DNAH7: variants seen among roughly 807,000 people sequenced by gnomAD.
DNAH7 encodes the protein axonemal beta dynein heavy chain 7.
Under a neutral mutation model 444.6 loss-of-function variants are expected in DNAH7, and 397 were observed. The observed-to-expected ratio is 0.89, with a 90% CI of 0.82 to 0.97. DNAH7 has a LOEUF of 0.97. DNAH7 is among the 50% of genes least tolerant of loss of function. The pLI is 0.00. For synonymous variants in DNAH7, 1,636 were observed against 1,624.4 expected, an observed-to-expected ratio of 1.01 and a Z score of -0.17; for missense variants, 4,902 against 4,800.8, an observed-to-expected ratio of 1.02 and a Z score of -0.62.
chr2:196,024,863 G>A (rs1021419991), intron 7 of DNAH7, among the ~76,000 whole-genome samples: 1 of 151,498 alleles, frequency 6.6e-6, no homozygotes, highest in Non-Finnish European at 1.5e-5. Flanking sequence ...CTATTTCACC[G>A]AGAAAAGGTA....
At chr2:195,788,371 C>A (rs865936579) in intron 57 of DNAH7, among the ~76,000 whole-genome samples, 21 of 152,282 alleles carry the variant, frequency 1.4e-4, no homozygotes, top group Middle Eastern at 3.4e-3. Flanking sequence ...GAAGTGGAAA[C>A]CTAGATTTTG....
At position 195,749,264 on chromosome 2, in the gene DNAH7, A is replaced by C. The variant is rs1365303309; in HGVS notation, c.11764+5073T>G. Among the ~76,000 whole-genome samples the C allele has an allele frequency of 3.3e-5, 5 of 152,176 alleles. No individual in the cohort carries two copies. In the South Asian group the frequency reaches 6.2e-4, roughly 19 times the overall value. On this transcript the variant is annotated intron_variant, in intron 63 of 64. Transcript: ENST00000312428. ...CATCACTGGCCGTCAGAGAAATGCA[A>C]ATCAAAACCACAATGAGATACCATC...
intron 1 of DNAH7, among the ~76,000 whole-genome samples, chr2:196,066,366 C>A (rs1419276722): frequency 6.6e-6 from 1 of 152,134 alleles, no homozygotes; most frequent in South Asian, 2.1e-4. Context: ...CCTTTTTAAG[C>A]AATGACATTT....
chr2:195,752,327 T>G (rs944791340), intron 63 of DNAH7, among the ~76,000 whole-genome samples: 1 of 151,190 alleles, frequency 6.6e-6, no homozygotes, highest in African/African-American at 2.4e-5. Context: ...CAACAGCCCT[T>G]GATATGAACA....
chr2:195,923,092 G>A (rs890340584), intron 23 of DNAH7, among the ~76,000 whole-genome samples: 1 of 152,114 alleles, frequency 6.6e-6, no homozygotes, highest in African/African-American at 2.4e-5. Flanking sequence ...TTGAACTCCT[G>A]ACCTCAAGTG....
intron 21 of DNAH7, among the ~76,000 whole-genome samples, chr2:195,930,152 G>GTA (rs1688595980): frequency 6.6e-6 from 1 of 152,096 alleles, no homozygotes; most frequent in Non-Finnish European, 1.5e-5. Context: ...AGACCATCCT[G>GTA]GTCAACACGA....
At chr2:195,990,811 G>GTGTGTA (rs1553600568) in intron 12 of DNAH7, among the ~76,000 whole-genome samples, 4 of 80,066 alleles carry the variant, frequency 5.0e-5, no homozygotes, top group African/African-American at 1.5e-4. Context: ...GTGTGTGTGT[G>GTGTGTA]TATATATATA....
At chr2:195,817,861 C>T (rs1697296123) in intron 49 of DNAH7, 32 bp from the exon 50 acceptor site, 1 of 1,486,686 alleles carries the variant, frequency 6.7e-7, no homozygotes, top group Non-Finnish European at 9.0e-7. Context: ...AAAATTACAT[C>T]ATTATTTCTG....
chr2:195,960,968 T>C (rs1691057218), intron 17 of DNAH7, 23 bp from the exon 18 acceptor site: 2 of 1,474,318 alleles, frequency 1.4e-6, no homozygotes, highest in Non-Finnish European at 1.8e-6. Flanking sequence ...GTATTGAATA[T>C]ATTAGTTATT....
At chr2:195,757,992 G>T (rs1694166418) in intron 61 of DNAH7, among the ~76,000 whole-genome samples, 1 of 151,922 alleles carries the variant, frequency 6.6e-6, no homozygotes, top group African/African-American at 2.4e-5. Flanking sequence ...TTACCATACT[G>T]AAATCAGGGG....
intron 17 of DNAH7, among the ~76,000 whole-genome samples, chr2:195,963,688 T>G (rs1470933334): frequency 2.0e-5 from 3 of 152,226 alleles, no homozygotes; most frequent in Non-Finnish European, 4.4e-5. Flanking sequence ...TTTTGCCCAG[T>G]CCAAATTCCT....
intron 48 of DNAH7, among the ~76,000 whole-genome samples, chr2:195,826,405 C>T (rs962119258): frequency 2.0e-5 from 3 of 152,104 alleles, no homozygotes; most frequent in Admixed American, 1.3e-4. Context: ...TGAAATAGGA[C>T]AGGCAATCAA....
chr2:195,770,204 A>G (rs766260901), intron 61 of DNAH7, among the ~76,000 whole-genome samples: 4 of 152,150 alleles, frequency 2.6e-5, no homozygotes, highest in Non-Finnish European at 2.9e-5. Flanking sequence ...TTTCTCAATC[A>G]TATCATTGGT....
chr2:195,751,788 CTGG>C (rs1693814404), intron 63 of DNAH7, among the ~76,000 whole-genome samples: 1 of 152,108 alleles, frequency 6.6e-6, no homozygotes, highest in Admixed American at 6.5e-5. Context: ...CATAAGGGGT[CTGG>C]ATTTTATTCA....
intron 29 of DNAH7, 57 bp downstream of exon 29, chr2:195,897,608 CAT>C (rs1331919633): frequency 7.2e-6 from 7 of 965,876 alleles, no homozygotes; most frequent in Non-Finnish European, 1.1e-5. Context: ...CAACCTTAGA[CAT>C]GTGATAAATA....
intron 63 of DNAH7, among the ~76,000 whole-genome samples, chr2:195,750,924 T>C (rs1693761776): frequency 6.6e-6 from 1 of 152,234 alleles, no homozygotes; most frequent in African/African-American, 2.4e-5. Flanking sequence ...GCTAAATTTA[T>C]CTAACTATAC....
At position 195,886,267 on chromosome 2, in the gene DNAH7, TA is replaced by T. The variant is rs763829514; in HGVS notation, c.5411del (p.Leu1804TyrfsTer13). 2.2e-5 allele frequency: 36 copies of T among 1,610,876 alleles called. No individual in the cohort carries two copies. The South Asian group carries it at 3.9e-4, about 17-fold the overall frequency. On this transcript the variant is annotated frameshift_variant, in exon 34 of 65. Coordinates refer to ENST00000312428, the MANE Select transcript of DNAH7 (RefSeq NM_018897.3). LOFTEE classifies it high-confidence loss of function. Reference protein sequence around the residue: ...VEFIRKHTKELSPTSDTNLVR... With the variant: ...VEFIRKHTKEXSPTSDTNLVR... ...CCAAGTTTGTATCGGAAGTAGGAGA[TA>T]ATTCCTGAAAAGTCAGTAAGAAAAA...
At position 195,864,704 on chromosome 2, in the gene DNAH7, TC is replaced by T. The variant is rs1559160056; in HGVS notation, c.6950del (p.Arg2317HisfsTer4). Reference protein sequence around the residue: ...SKKPMNLVLFRFAIEHISRIS... With the variant: ...SKKPMNLVLFXFAIEHISRIS... ...TTCTGCTGATGTGCTCTATGGCAAA[TC>T]GAAACAAGACAAGGTTCATGGGTTT... On this transcript the variant is annotated frameshift_variant, in exon 41 of 65. Coordinates refer to ENST00000312428, the MANE Select transcript of DNAH7 (RefSeq NM_018897.3). LOFTEE classifies it high-confidence loss of function. 2 of 1,614,204 alleles carry T rather than the reference TC, an allele frequency of 1.2e-6. No individual in the cohort carries two copies. Among genetic ancestry groups the T allele is most frequent in the Non-Finnish European group, 1.7e-6 (2 of 1,180,024 alleles).
Position 195,817,763 on chromosome 2 carries a change from C to T in DNAH7, c.9358G>A (p.Ala3120Thr). 1.2e-6 allele frequency: 2 copies of T among 1,613,070 alleles called. No homozygotes were observed. Among genetic ancestry groups the T allele is most frequent in the East Asian group, 2.2e-5 (1 of 44,834 alleles). ...MQDQLLGIVV[A>T]QERPDLEEEK... ...TCTTCAAGGTCTGGCCTTTCTTGTG[C>T]CACCACAATTCCCAGAAGCTGATCT... is the stretch of plus-strand genomic sequence containing the variant. Residue 3120 changes from alanine to threonine, a missense_variant, in exon 50 of 65, where the codon GCA becomes ACA. Transcript: ENST00000312428.
Sources: gnomAD v4.1 joint callset for allele counts (sites outside exome capture counted in the v4.1 genomes callset) on GRCh38, gnomAD v4.1.1 for gene constraint, MANE v1.5 for transcripts, NCBI Gene and HGNC (gene_info 2026-07-23, HGNC 2026-07-21) for gene names.